The following NALCN variants were observed in gnomAD, a reference collection of about 807,000 sequenced individuals.
NALCN encodes the protein sodium leak channel NALCN.
NALCN carries 111 observed loss-of-function variants against 225.3 expected under a neutral mutation model. The ratio of observed to expected loss-of-function variants is 0.49; its 90% CI spans 0.42 to 0.58. The LOEUF is 0.58. Ranked by LOEUF, NALCN falls within the 20% of genes least tolerant of loss-of-function variation. NALCN has a pLI of 0.00. For synonymous variants in NALCN, 764 were observed against 769.0 expected (o/e 0.99, Z 0.11); for missense variants, 1,378 against 2,202.4 (o/e 0.63, Z 7.49).
chr13:101,108,459 T>TA (rs2035259654), intron 20 of NALCN, among the ~76,000 whole-genome samples: 1 of 152,192 alleles, frequency 6.6e-6, no homozygotes, highest in Non-Finnish European at 1.5e-5. Flanking sequence ...TCCGATTTTT[T>TA]AAAAAATCAC....
intron 15 of NALCN, among the ~76,000 whole-genome samples, chr13:101,170,398 G>A (rs1412635657): frequency 6.6e-6 from 1 of 152,080 alleles, no homozygotes; most frequent in African/African-American, 2.4e-5. Context: ...AACGACATTG[G>A]GGAAGGAGGT....
chr13:101,231,600 T>TATTAACATAGGAATTAACATAGA (rs2041350929), intron 12 of NALCN, among the ~76,000 whole-genome samples: 1 of 152,202 alleles, frequency 6.6e-6, no homozygotes, highest in Non-Finnish European at 1.5e-5. Flanking sequence ...AATTCAGAGA[T>TATTAACATAGGAATTAACATAGA]ATTAACATAG....
chr13:101,183,996 G>C (rs1440149334), intron 14 of NALCN, among the ~76,000 whole-genome samples: 1 of 152,058 alleles, frequency 6.6e-6, no homozygotes, highest in East Asian at 1.9e-4. Context: ...TATAGCGTTT[G>C]ATCATATTAA....
intron 34 of NALCN, among the ~76,000 whole-genome samples, chr13:101,078,612 C>A (rs1040946498): frequency 6.6e-6 from 1 of 152,136 alleles, no homozygotes; most frequent in African/African-American, 2.4e-5. Flanking sequence ...ATGCCTGTAC[C>A]CCCATTGTAT....
intron 6 of NALCN, among the ~76,000 whole-genome samples, chr13:101,354,663 G>A (rs1396780703): frequency 6.6e-6 from 1 of 152,200 alleles, no homozygotes; most frequent in Non-Finnish European, 1.5e-5. Flanking sequence ...CATCTTTCTT[G>A]TGAAGATCAA....
In NALCN at chr13:101,264,343, AG is replaced by A. The variant is rs533575262; in HGVS notation, c.1135-5770del. On this transcript the variant is annotated intron_variant, in intron 10 of 43. Transcript: ENST00000251127. ...GGTTTACATTTTTTAAAAGCAGAGG[AG>A]TTTTGGATATGTTTTTAGTTTGGCT... is the stretch of plus-strand genomic sequence containing the variant. Among the ~76,000 whole-genome samples the A allele has an allele frequency of 1.4e-3, 219 of 152,156 alleles. 1 individual carries two copies. The highest frequency in any genetic ancestry group is 5.2e-3 in the African/African-American group (217 of 41,500).
At chr13:101,139,099 T>C (rs2036941338) in intron 17 of NALCN, among the ~76,000 whole-genome samples, 1 of 152,238 alleles carries the variant, frequency 6.6e-6, no homozygotes, top group South Asian at 2.1e-4. Flanking sequence ...ATTTTAAAGA[T>C]TTTTGTTTGC....
intron 6 of NALCN, among the ~76,000 whole-genome samples, chr13:101,346,472 T>G (rs1200230740): frequency 6.6e-6 from 1 of 152,120 alleles, no homozygotes; most frequent in African/African-American, 2.4e-5. Context: ...ACTACGAAAC[T>G]CATCAATGAT....
In NALCN at chr13:101,066,799, C is replaced by A. The variant is rs149759489; in HGVS notation, c.4446+1119G>T. ...TGCCGGAGCCCCTCATTTATGATGC[C>A]CAGGCTGGCTTCTTGGTCTTTGTGC... On this transcript the variant is annotated intron_variant, in intron 39 of 43. Coordinates refer to ENST00000251127, the MANE Select transcript of NALCN (RefSeq NM_052867.4). Among the ~76,000 whole-genome samples, 444 of 152,108 alleles carry A rather than the reference C, an allele frequency of 2.9e-3. 2 individuals are homozygous for A. The highest frequency in any genetic ancestry group is 0.01 in the Middle Eastern group (3 of 294).
chr13:101,282,444 A>C (rs1013610781), intron 10 of NALCN, among the ~76,000 whole-genome samples: 22 of 152,202 alleles, frequency 1.4e-4, no homozygotes, highest in African/African-American at 5.3e-4. Flanking sequence ...TATATATGGA[A>C]TCTCAAAAAG....
intron 9 of NALCN, among the ~76,000 whole-genome samples, chr13:101,289,466 C>T (rs1314847611): frequency 2.6e-5 from 4 of 151,230 alleles, no homozygotes; most frequent in Admixed American, 6.6e-5. Context: ...CCTGTCAGAG[C>T]CAGTTCCTAG....
chr13:101,055,384 C>G lies in NALCN; in HGVS notation c.5128G>C (p.Ala1710Pro). The G allele has an allele frequency of 6.2e-7, 1 of 1,614,136 alleles. No homozygotes were observed. The highest frequency in any genetic ancestry group is 8.5e-7 in the Non-Finnish European group (1 of 1,180,012). The change falls in exon 44 of 44, where the codon GCT becomes CCT. Residue 1710 changes from alanine (A) to proline (P), a missense_variant. Physicochemically the swap from Ala to Pro is conservative, Grantham distance 27. Transcript: ENST00000251127. ...VCKMNPMTDA[A>P]SCGSEVKKWW... ...TTCTTAACTTCAGAACCGCAGGAAGCCGCGTCAGTCATGGGGTTCATTTTG... is the reference window on the plus strand; with the variant it reads ...TTCTTAACTTCAGAACCGCAGGAAGGCGCGTCAGTCATGGGGTTCATTTTG...
At chr13:101,273,587 C>G (rs976084219) in intron 10 of NALCN, among the ~76,000 whole-genome samples, 1 of 151,698 alleles carries the variant, frequency 6.6e-6, no homozygotes, top group African/African-American at 2.4e-5. Flanking sequence ...AACAATATAC[C>G]CTTTAGAAAC....
At chr13:101,086,534 C>A (rs972230762) in intron 30 of NALCN, among the ~76,000 whole-genome samples, 3 of 151,664 alleles carry the variant, frequency 2.0e-5, no homozygotes, top group Non-Finnish European at 4.4e-5. Flanking sequence ...ATTATCAATT[C>A]TTGGGTAATT....
intron 13 of NALCN, among the ~76,000 whole-genome samples, chr13:101,198,617 C>T (rs1264295775): frequency 2.6e-5 from 4 of 152,064 alleles, no homozygotes; most frequent in East Asian, 1.9e-4. Context: ...GTTAGAATGG[C>T]GATCATTAAA....
chr13:101,134,330 T>G (rs973171426), intron 17 of NALCN, among the ~76,000 whole-genome samples: 16 of 152,222 alleles, frequency 1.1e-4, no homozygotes, highest in Non-Finnish European at 1.9e-4. Context: ...TCTTCGCTCT[T>G]CCTTTGGACT....
chr13:101,062,209 A>G, intron 40 of NALCN, 91 bp from the exon 41 acceptor site: 2 of 1,428,322 alleles, frequency 1.4e-6, no homozygotes, highest in Non-Finnish European at 1.9e-6. Flanking sequence ...GACATCACTC[A>G]GTCTAATAAG....
intron 15 of NALCN, among the ~76,000 whole-genome samples, chr13:101,172,718 C>T (rs539958718): frequency 8.9e-4 from 134 of 150,196 alleles, no homozygotes; most frequent in Middle Eastern, 3.4e-3. Flanking sequence ...CGCCACCACG[C>T]GCAGCTAATT....
intron 6 of NALCN, among the ~76,000 whole-genome samples, chr13:101,374,367 C>A (rs1221422391): frequency 6.7e-6 from 1 of 148,654 alleles, no homozygotes; most frequent in Non-Finnish European, 1.5e-5. Flanking sequence ...CCTCCGCCTT[C>A]TGGATTCAAG....
Sources: allele counts gnomAD v4.1 joint callset (sites outside exome capture counted in the v4.1 genomes callset), GRCh38; gene constraint gnomAD v4.1.1; transcripts MANE v1.5; gene names NCBI Gene and HGNC (gene_info 2026-07-23, HGNC 2026-07-21).